SOX5: variants seen among roughly 807,000 people sequenced by gnomAD.
SOX5 encodes the protein SRY-box transcription factor 5.
In SOX5, 9 loss-of-function variants were observed where a neutral mutation model predicts 92.0. The ratio of observed to expected loss-of-function variants is 0.10; its 90% CI spans 0.06 to 0.17. SOX5 has a LOEUF of 0.17. Among genes scored for constraint, SOX5 ranks in the 10% least tolerant of loss-of-function variants. SOX5 has a pLI of 1.00. For missense variants in SOX5, 642 were observed against 944.5 expected (o/e 0.68, Z 4.20); for synonymous variants, 344 against 336.3 (o/e 1.02, Z -0.25).
intron 8 of SOX5, among the ~76,000 whole-genome samples, chr12:23,612,714 A>G (rs2076112613): frequency 6.6e-6 from 1 of 152,202 alleles, no homozygotes; most frequent in African/African-American, 2.4e-5. Context: ...AAGTTTAAAT[A>G]AAACCTAAAA....
At chr12:23,953,143 A>C (rs1945873338), upstream of SOX5, among the ~76,000 whole-genome samples, 1 of 152,144 alleles carries the variant, frequency 6.6e-6, no homozygotes, top group Non-Finnish European at 1.5e-5. Context: ...TCCTATATTG[A>C]AAATTAGCAT....
intron 4 of SOX5, among the ~76,000 whole-genome samples, chr12:24,077,802 T>TATATATAC (rs1482938130): frequency 7.0e-6 from 1 of 143,264 alleles, no homozygotes; most frequent in Non-Finnish European, 1.5e-5. Context: ...TATATATATA[T>TATATATAC]ATATGCAGCT....
upstream of SOX5, chr12:23,949,744 C>G (rs1595862051): frequency 4.1e-6 from 4 of 967,372 alleles, no homozygotes; most frequent in East Asian, 2.9e-5. Flanking sequence ...CTCTCTCTCT[C>G]TCTCTCTCCC....
chr12:24,248,912 A>G (rs78613437), intron 3 of SOX5, among the ~76,000 whole-genome samples: 71 of 152,318 alleles, frequency 4.7e-4, no homozygotes, highest in Non-Finnish European at 9.1e-4. Flanking sequence ...CGTTCAATTG[A>G]CTGAAAGAAG....
chr12:23,876,238 G>C (rs2096925627), intron 2 of SOX5, among the ~76,000 whole-genome samples: 1 of 152,060 alleles, frequency 6.6e-6, no homozygotes, highest in Non-Finnish European at 1.5e-5. Flanking sequence ...CTGACAAAGG[G>C]CTAATATCCA....
At chr12:23,574,023 TTATC>T (rs1408800133) in intron 10 of SOX5, among the ~76,000 whole-genome samples, 1 of 151,580 alleles carries the variant, frequency 6.6e-6, no homozygotes, top group Non-Finnish European at 1.5e-5. Context: ...TTAATATCAG[TTATC>T]TATCTATTAG....
intron 3 of SOX5, among the ~76,000 whole-genome samples, chr12:23,769,587 T>C (rs997976421): frequency 1.3e-5 from 2 of 152,162 alleles, no homozygotes; most frequent in African/African-American, 4.8e-5. Context: ...GAGACATCTG[T>C]TTGTCATATA....
chr12:24,057,080 T>C (rs1324187223), intron 4 of SOX5, among the ~76,000 whole-genome samples: 1 of 151,588 alleles, frequency 6.6e-6, no homozygotes, highest in East Asian at 1.9e-4. Flanking sequence ...TAAGGCCTTA[T>C]TCAGAGGGAG....
At chr12:24,201,106 T>C (rs1456108345) in intron 4 of SOX5, among the ~76,000 whole-genome samples, 1 of 152,196 alleles carries the variant, frequency 6.6e-6, no homozygotes, top group Non-Finnish European at 1.5e-5. Flanking sequence ...GTTCTGGTTT[T>C]ACTTAGGCAC....
chr12:23,563,076 CTCTT>C lies in SOX5; in HGVS notation c.1488+178_1488+181del, dbSNP rs371461811. 5.7e-4 allele frequency among the ~76,000 whole-genome samples: 87 copies of C among 152,128 alleles called. 1 individual carries two copies. The highest frequency in any genetic ancestry group is 4.9e-3 in the Admixed American group (75 of 15,260). ...TGGAGATGGATCAAGAGAATTATAACTCTTTCTATTTCCAGATGGTTTTGATTAG... is the reference window on the plus strand; with the variant it reads ...TGGAGATGGATCAAGAGAATTATAACTCTATTTCCAGATGGTTTTGATTAG... On this transcript the variant is annotated intron_variant, in intron 11 of 14. Coordinates refer to ENST00000451604, the MANE Select transcript of SOX5 (RefSeq NM_006940.6).
At chr12:23,824,583 C>T (rs1212685685) in intron 3 of SOX5, among the ~76,000 whole-genome samples, 2 of 152,226 alleles carry the variant, frequency 1.3e-5, no homozygotes, top group African/African-American at 4.8e-5. Context: ...TCAGGAGGCA[C>T]AGGTGTCAGG....
At chr12:23,578,184 C>G (rs914303311) in intron 9 of SOX5, among the ~76,000 whole-genome samples, 3 of 132,482 alleles carry the variant, frequency 2.3e-5, no homozygotes, top group African/African-American at 8.6e-5. Context: ...ATTGTTCAAT[C>G]TGAAACATGA....
At position 24,186,757 on chromosome 12, in the gene SOX5, T is replaced by C. The variant is rs188977774; in HGVS notation, c.-2+26586A>G. Among the ~76,000 whole-genome samples, 61 of 152,266 alleles carry C rather than the reference T, an allele frequency of 4.0e-4. No homozygotes were observed. In the East Asian group the frequency reaches 9.8e-3, roughly 25 times the overall value. On this transcript the variant is annotated intron_variant, in intron 4 of 4. Transcript: ENST00000446891. Reference sequence around the variant, plus strand: ...ATATGTTATTAATAAACATTATATCTTACACAAATTTACCTTTTTTAAAAC... The same window carrying C: ...ATATGTTATTAATAAACATTATATCCTACACAAATTTACCTTTTTTAAAAC...
At chr12:24,478,983 A>G (rs1257752865) in intron 1 of SOX5, among the ~76,000 whole-genome samples, 1 of 152,194 alleles carries the variant, frequency 6.6e-6, no homozygotes, top group Non-Finnish European at 1.5e-5. Context: ...TCTGGTTCCA[A>G]TCTACTCTTC....
chr12:24,532,826 C>G (rs1951309242), intron 1 of SOX5, among the ~76,000 whole-genome samples: 1 of 152,138 alleles, frequency 6.6e-6, no homozygotes. Context: ...GAAAAGCACT[C>G]TGTTTGGAGG....
chr12:23,857,180 A>G (rs2096702625), intron 2 of SOX5, among the ~76,000 whole-genome samples: 1 of 152,160 alleles, frequency 6.6e-6, no homozygotes, highest in African/African-American at 2.4e-5. Context: ...TAGAAGACTA[A>G]TATAGGAGAG....
intron 6 of SOX5, among the ~76,000 whole-genome samples, chr12:23,704,982 G>A (rs1035151689): frequency 6.6e-6 from 1 of 150,878 alleles, no homozygotes; most frequent in African/African-American, 2.4e-5. Flanking sequence ...AATATTTCTG[G>A]GTTTTAGCTA....
chr12:24,079,911 C>T (rs1461406551), intron 4 of SOX5, among the ~76,000 whole-genome samples: 5 of 151,960 alleles, frequency 3.3e-5, no homozygotes, highest in Middle Eastern at 3.4e-3. Context: ...ATAATTCTAC[C>T]TATGAGTTTT....
At chr12:24,504,327 C>T (rs1301340549) in intron 1 of SOX5, among the ~76,000 whole-genome samples, 1 of 152,156 alleles carries the variant, frequency 6.6e-6, no homozygotes, top group Non-Finnish European at 1.5e-5. Context: ...AAAATCTTTA[C>T]ACTCTTGAAA....
Sources: allele counts gnomAD v4.1 joint callset (sites outside exome capture counted in the v4.1 genomes callset), GRCh38; gene constraint gnomAD v4.1.1; transcripts MANE v1.5; gene names NCBI Gene and HGNC (gene_info 2026-07-23, HGNC 2026-07-21).